Variants in ATP7A observed in about 807,000 individuals in gnomAD.
The protein encoded by ATP7A is copper-transporting ATPase 1.
Under a neutral mutation model 83.5 loss-of-function variants are expected in ATP7A, and 7 were observed. That is an observed-to-expected ratio of 0.08 (90% CI 0.05 to 0.16). The LOEUF (loss-of-function observed/expected upper bound fraction) is 0.16. Among genes scored for constraint, ATP7A ranks in the 10% least tolerant of loss-of-function variants. The probability of loss-of-function intolerance (pLI) is 1.00; values close to 1 mark genes in which losing one functional copy is unlikely to be tolerated. For synonymous variants in ATP7A, 354 were observed against 395.2 expected, an observed-to-expected ratio of 0.90 and a Z score of 1.24; for missense variants, 940 against 1,120.8, an observed-to-expected ratio of 0.84 and a Z score of 2.30.
At chrX:78,017,420 T>C (rs1349317005) in intron 12 of ATP7A, among the ~76,000 whole-genome samples, 5 of 112,435 alleles carry the variant, frequency 4.4e-5, no homozygotes, top group African/African-American at 1.6e-4. Context: ...GTTTTCCCCA[T>C]TGTCTTGGCG....
At chrX:78,002,244 ATTTT>A (rs781804302) in intron 5 of ATP7A, among the ~76,000 whole-genome samples, 2 of 81,439 alleles carry the variant, frequency 2.5e-5, no homozygotes, top group African/African-American at 4.5e-5. Context: ...TAATTTTTGT[ATTTT>A]TTTTTTTTTT....
At chrX:77,952,247 A>G (rs2077417427) in intron 1 of ATP7A, among the ~76,000 whole-genome samples, 1 of 112,048 alleles carries the variant, frequency 8.9e-6, no homozygotes, top group Non-Finnish European at 1.9e-5. Context: ...ATGGTAAATT[A>G]TATTTAGTTT....
At chrX:77,940,051 T>C (rs1204094538) in intron 1 of ATP7A, among the ~76,000 whole-genome samples, 2 of 109,687 alleles carry the variant, frequency 1.8e-5, no homozygotes, top group African/African-American at 6.6e-5. Flanking sequence ...TATGAAAGAG[T>C]AAATATTTGA....
At chrX:78,009,968 C>T (rs1158985469) in intron 7 of ATP7A, among the ~76,000 whole-genome samples, 1 of 112,647 alleles carries the variant, frequency 8.9e-6, no homozygotes, top group African/African-American at 3.2e-5. Context: ...GTGACAGATT[C>T]ATCCTGTGTT....
intron 1 of ATP7A, among the ~76,000 whole-genome samples, chrX:77,969,854 A>G (rs1298756316): frequency 8.9e-6 from 1 of 112,060 alleles, no homozygotes; most frequent in East Asian, 2.8e-4. Context: ...CAGTGAAAAA[A>G]CAGAGTCCTA....
In ATP7A at chrX:77,998,596, G is replaced by C. The variant is rs782083382; in HGVS notation, c.1455G>C (p.Lys485Asn). ...CAGTTCAAGACAAGGAGGAAGGAAA[G>C]AATTCATCTAAGTGTTACATACAGG... ...MTPVQDKEEGKNSSKCYIQVT... is the reference protein window; with the variant it reads ...MTPVQDKEEGNNSSKCYIQVT... Residue 485 changes from lysine to asparagine, a missense_variant, in exon 5 of 23, where the codon AAG (lysine) becomes AAC (asparagine). Physicochemically the swap from Lys to Asn is moderately conservative, Grantham distance 94 (BLOSUM62 0). Transcript: ENST00000341514. 8.3e-7 allele frequency: 1 copy of C among 1,211,887 alleles called. No homozygotes were observed. The highest frequency in any genetic ancestry group is 1.1e-6 in the Non-Finnish European group (1 of 895,456).
intron 18 of ATP7A, 132 bp downstream of exon 18, chrX:78,039,114 A>C: frequency 1.4e-6 from 1 of 705,835 alleles, no homozygotes; most frequent in Non-Finnish European, 2.1e-6. Flanking sequence ...AATGTCAACA[A>C]CACATGATTA....
At chrX:78,010,359 A>G (rs975511614) in intron 7 of ATP7A, among the ~76,000 whole-genome samples, 2 of 111,958 alleles carry the variant, frequency 1.8e-5, no homozygotes, top group Non-Finnish European at 3.8e-5. Context: ...GTGCACTGCC[A>G]ACAAATGTAA....
At chrX:77,995,836 C>T (rs888376267) in intron 4 of ATP7A, among the ~76,000 whole-genome samples, 3 of 110,593 alleles carry the variant, frequency 2.7e-5, no homozygotes, top group South Asian at 3.9e-4. Flanking sequence ...CTCCGCCTCC[C>T]GGGTTCAAGC....
At chrX:78,032,798 A>G (rs1231003300) in intron 16 of ATP7A, among the ~76,000 whole-genome samples, 1 of 111,617 alleles carries the variant, frequency 9.0e-6, no homozygotes, top group Non-Finnish European at 1.9e-5. Context: ...ATTACCTATT[A>G]CTGACCTGGC....
intron 1 of ATP7A, among the ~76,000 whole-genome samples, chrX:77,960,911 C>A (rs1557227998): frequency 3.6e-5 from 4 of 111,336 alleles, no homozygotes; most frequent in Non-Finnish European, 7.5e-5. Context: ...TTGCTAAATG[C>A]AGTAGGATGT....
chrX:77,988,839 G>A lies in ATP7A; in HGVS notation c.610+108G>A, dbSNP rs148390231. On this transcript the variant is annotated intron_variant, in intron 3 of 22. Coordinates refer to ENST00000341514, the MANE Select transcript of ATP7A (RefSeq NM_000052.7). ...AGTTTTGAATCCATGAGACTAGAGT[G>A]CTTGCTGTATCATTGAGGTACAGCA... is the stretch of plus-strand genomic sequence containing the variant. 3.6e-3 allele frequency: 3,504 copies of A among 978,840 alleles called. 10 individuals are homozygous for A. Among genetic ancestry groups the A allele is most frequent in the Middle Eastern group, 4.3e-3 (16 of 3,703 alleles). The allele number at this position is 978,840 out of a possible 1,213,427, so 80.7% of individuals were successfully genotyped here. A position where few individuals can be genotyped will look rare whatever the true frequency, so the allele number is the denominator to read the frequency against.
At chrX:78,009,714 T>C (rs1557234183) in intron 7 of ATP7A, among the ~76,000 whole-genome samples, 1 of 111,975 alleles carries the variant, frequency 8.9e-6, no homozygotes, top group East Asian at 2.8e-4. Context: ...TCTCAGCATT[T>C]TGAGAGGCCT....
intron 2 of ATP7A, among the ~76,000 whole-genome samples, chrX:77,976,433 T>A (rs2149076446): frequency 8.9e-6 from 1 of 112,515 alleles, no homozygotes; most frequent in East Asian, 2.8e-4. Flanking sequence ...CCTAAAATTC[T>A]GATTTATTAT....
intron 1 of ATP7A, among the ~76,000 whole-genome samples, chrX:77,941,460 T>G (rs1208111862): frequency 9.0e-6 from 1 of 111,283 alleles, no homozygotes; most frequent in East Asian, 2.8e-4. Flanking sequence ...CAGGCTGGTC[T>G]TGAACTCCTG....
At chrX:77,949,845 T>C (rs1396798086) in intron 1 of ATP7A, among the ~76,000 whole-genome samples, 1 of 112,243 alleles carries the variant, frequency 8.9e-6, no homozygotes, top group Non-Finnish European at 1.9e-5. Flanking sequence ...TATACATGCA[T>C]TAGGCTGGGT....
rs782757659 is a variant in ATP7A at position 78,029,282 on chromosome X, G to T, written c.2949G>T (p.Thr983=). The change falls in exon 15 of 23, where the codon ACG becomes ACT. Residue 983 remains threonine, a synonymous_variant. Coordinates refer to ENST00000341514, the MANE Select transcript of ATP7A (RefSeq NM_000052.7). ...ATAGAAGTATCTCCCGAACAGAAACGATAATACGATTTGCTTTCCAAGCCT... is the reference window on the plus strand; with the variant it reads ...ATAGAAGTATCTCCCGAACAGAAACTATAATACGATTTGCTTTCCAAGCCT... ...GYNRSISRTE[T]IIRFAFQASI... 8.3e-7 allele frequency: 1 copy of T among 1,211,088 alleles called. No individual in the cohort carries two copies. The highest frequency in any genetic ancestry group is 2.2e-5 in the Admixed American group (1 of 46,015).
At chrX:77,947,793 G>T (rs1425409956) in intron 1 of ATP7A, among the ~76,000 whole-genome samples, 1 of 89,454 alleles carries the variant, frequency 1.1e-5, no homozygotes, top group African/African-American at 4.4e-5. Context: ...AAGCTGGAGT[G>T]CAATGGTGCG....
intron 5 of ATP7A, among the ~76,000 whole-genome samples, chrX:78,002,301 C>T (rs1248116940): frequency 5.1e-5 from 5 of 98,198 alleles, no homozygotes; most frequent in Non-Finnish European, 8.1e-5. Flanking sequence ...AGGCTGGTGT[C>T]GAACTCCTGG....
Sources: gnomAD v4.1 joint callset for allele counts (sites outside exome capture counted in the v4.1 genomes callset) on GRCh38, gnomAD v4.1.1 for gene constraint, MANE v1.5 for transcripts, NCBI Gene and HGNC (gene_info 2026-07-23, HGNC 2026-07-21) for gene names.